The following RAB26 variants were observed in gnomAD, a reference collection of about 807,000 sequenced individuals.
The protein encoded by RAB26 is ras-related protein Rab-26.
Under a neutral mutation model 33.1 loss-of-function variants are expected in RAB26, and 39 were observed. The observed-to-expected ratio is 1.18, with a 90% confidence interval of 0.91 to 1.54. The LOEUF is 1.54. Ranked by LOEUF, RAB26 falls within the 40% of genes most tolerant of loss-of-function variation. The probability of loss-of-function intolerance (pLI) is 0.00; values close to 1 mark genes in which losing one functional copy is unlikely to be tolerated. For missense variants in RAB26, 468 were observed against 362.9 expected (o/e 1.29, Z -2.35); for synonymous variants, 192 against 151.9 (o/e 1.26, Z -1.94).
Position 2,149,276 on chromosome 16 carries a change from C to G in RAB26, c.195+298C>G, listed in dbSNP as rs571513779. Reference sequence around the variant, plus strand: ...GGGTCTCACCATTTCCCGTATGCTGCCCTCCCTCAACCCAGCGGCTGTGGG... The same window carrying G: ...GGGTCTCACCATTTCCCGTATGCTGGCCTCCCTCAACCCAGCGGCTGTGGG... On this transcript the variant is annotated intron_variant, in intron 1 of 8. Transcript: ENST00000210187. Among the ~76,000 whole-genome samples, 11 of 151,904 alleles carry G rather than the reference C, an allele frequency of 7.2e-5. No homozygotes were observed. In the South Asian group the frequency reaches 2.3e-3, roughly 32 times the overall value.
At chr16:2,149,616 T>C (rs2092998039) in intron 1 of RAB26, among the ~76,000 whole-genome samples, 1 of 152,060 alleles carries the variant, frequency 6.6e-6, no homozygotes, top group Non-Finnish European at 1.5e-5. Flanking sequence ...TCCCCAAGTC[T>C]CTTAGGAGGT....
At chr16:2,151,960 C>T in intron 5 of RAB26, 52 bp downstream of exon 5, 1 of 1,602,744 alleles carries the variant, frequency 6.2e-7, no homozygotes, top group Non-Finnish European at 8.5e-7. Flanking sequence ...CCTGACCCAT[C>T]CCAACCTCCT....
At position 2,153,864 on chromosome 16, in the gene RAB26, C is replaced by G; in HGVS notation, c.*443C>G. ...CTTCACTGCTAATCACATCGTGCAT[C>G]TGTGTGTCCTGGGAGCTGCCTGCTC... is the stretch of plus-strand genomic sequence containing the variant. On this transcript the variant is annotated 3_prime_UTR_variant, in exon 9 of 9. Coordinates refer to ENST00000210187, the MANE Select transcript of RAB26 (RefSeq NM_014353.5). The G allele has an allele frequency of 2.2e-6, 1 of 458,060 alleles. No homozygotes were observed. Among genetic ancestry groups the G allele is most frequent in the Non-Finnish European group, 4.4e-6 (1 of 228,206 alleles). 28.4% of individuals were successfully genotyped at this position (458,060 alleles called of 1,614,324 possible).
rs2093014368 is a variant in RAB26 at position 2,153,536 on chromosome 16, T to TAA, written c.*115_*116insAA. On this transcript the variant is annotated 3_prime_UTR_variant, in exon 9 of 9. Transcript: ENST00000210187. ...AGTGGCCAACGCCCGAGTGTCTGTT[T>TAA]TCAGGAGCCCCAGGTCAAGCCTTGT... is the stretch of plus-strand genomic sequence containing the variant. 1.1e-6 allele frequency: 1 copy of TAA among 940,534 alleles called. No individual in the cohort carries two copies. The highest frequency in any genetic ancestry group is 1.6e-5 in the African/African-American group (1 of 60,824). The allele number at this position is 940,534 out of a possible 1,614,324, so 58.3% of individuals were successfully genotyped here.
rs1567238526 is a variant in RAB26, at chr16:2,148,681, C to CCGG, written c.-102_-101insGGC. ...GCCGCCGCCGCCGCCGCCGCCGCCG[C>CCGG]CAGGGGAAGGGTTCGGGTCCGGGTC... On this transcript the variant is annotated 5_prime_UTR_variant, in exon 1 of 9. Transcript: ENST00000210187. 7 of 1,085,442 alleles carry CCGG rather than the reference C, an allele frequency of 6.4e-6. No individual in the cohort carries two copies. Among genetic ancestry groups the CCGG allele is most frequent in the Non-Finnish European group, 8.0e-6 (7 of 871,476 alleles). The allele number at this position is 1,085,442 out of a possible 1,614,324, so 67.2% of individuals were successfully genotyped here.
chr16:2,153,291 G>C (rs1470649207), intron 8 of RAB26, 28 bp from the exon 9 acceptor site: 6 of 1,613,390 alleles, frequency 3.7e-6, no homozygotes, highest in Non-Finnish European at 3.4e-6. Context: ...CCAGGCCATC[G>C]TGTCCCCTTG....
chr16:2,152,443 G>C (rs1035557425), intron 5 of RAB26, among the ~76,000 whole-genome samples: 1 of 152,078 alleles, frequency 6.6e-6, no homozygotes, highest in Non-Finnish European at 1.5e-5. Flanking sequence ...AGGCTGAGGT[G>C]GGCGGATCAC....
At chr16:2,152,017 G>A in intron 5 of RAB26, 109 bp downstream of exon 5, 1 of 1,447,398 alleles carries the variant, frequency 6.9e-7, no homozygotes, top group Non-Finnish European at 9.5e-7. Flanking sequence ...TGAGAGAGGG[G>A]AGGGGGAAAT....
intron 5 of RAB26, 78 bp downstream of exon 5, chr16:2,151,986 C>T: frequency 6.4e-7 from 1 of 1,574,046 alleles, no homozygotes; most frequent in South Asian, 1.1e-5. Context: ...TAGATGGCAT[C>T]AGGGTTCCAA....
intron 1 of RAB26, 121 bp from the exon 2 acceptor site, chr16:2,149,819 GC>G: frequency 1.5e-6 from 1 of 667,008 alleles, no homozygotes; most frequent in East Asian, 3.3e-5. Context: ...GGGGTCCCTG[GC>G]CCCGCTGAGC....
chr16:2,150,128 G>A, intron 2 of RAB26, 77 bp downstream of exon 2: 1 of 1,318,248 alleles, frequency 7.6e-7, no homozygotes, highest in Non-Finnish European at 1.0e-6. Context: ...TGATCCCCAT[G>A]GTACCAACAG....
rs1327497820 is a variant in RAB26 at position 2,153,480 on chromosome 16, G to C, written c.*59G>C. 3.4e-5 allele frequency: 51 copies of C among 1,514,702 alleles called. No individual in the cohort carries two copies. Among genetic ancestry groups the C allele is most frequent in the Non-Finnish European group, 4.6e-5 (50 of 1,097,424 alleles). The allele number at this position is 1,514,702 out of a possible 1,614,324, so 93.8% of individuals were successfully genotyped here. ...TCCAGTCCCTAGAAGGCTGGACAGAGGGTCTCCAGGCCCTTCTGACTTTGT... is the reference window on the plus strand; with the variant it reads ...TCCAGTCCCTAGAAGGCTGGACAGACGGTCTCCAGGCCCTTCTGACTTTGT... On this transcript the variant is annotated 3_prime_UTR_variant, in exon 9 of 9. Transcript: ENST00000210187.
At chr16:2,152,693 C>CAAAAAA in intron 5 of RAB26, 127 bp from the exon 6 acceptor site, 26 of 349,716 alleles carry the variant, frequency 7.4e-5, no homozygotes, top group South Asian at 1.7e-4. Flanking sequence ...ACTCTTGTCT[C>CAAAAAA]AAAAAAAAAA....
At chr16:2,149,303 CTTTTTT>C (rs756125935) in intron 1 of RAB26, among the ~76,000 whole-genome samples, 12 of 116,020 alleles carry the variant, frequency 1.0e-4, no homozygotes, top group East Asian at 6.7e-4. Flanking sequence ...GGCTGTGGGC[CTTTTTT>C]TTTTTTTTTT....
chr16:2,151,366 C>T, intron 2 of RAB26: 2 of 665,990 alleles, frequency 3.0e-6, no homozygotes, highest in South Asian at 1.7e-5. Flanking sequence ...GTAAGAGGCT[C>T]TAAGCAGGAA....
In RAB26 at chr16:2,151,715, G is replaced by A. The variant is rs756992268; in HGVS notation, c.369G>A (p.Gln123=). Residue 123 remains glutamine, a synonymous_variant, in exon 4 of 9, where the codon CAG becomes CAA. Coordinates refer to ENST00000210187, the MANE Select transcript of RAB26 (RefSeq NM_014353.5). ...TGCAGATGTGGGACACAGCTGGTCA[G>A]GAGCGGTTCCGCAGTGTTACCCATG... ...VKLQMWDTAG[Q]ERFRSVTHAY... The A allele has an allele frequency of 5.0e-6, 8 of 1,613,888 alleles. No homozygotes were observed. The highest frequency in any genetic ancestry group is 6.8e-6 in the Non-Finnish European group (8 of 1,180,034).
rs148865896 is a variant in RAB26, at chr16:2,153,849, A to T, written c.*428A>T. ...GCCTGGGACAGAAGGCTTCACTGCT[A>T]ATCACATCGTGCATCTGTGTGTCCT... On this transcript the variant is annotated 3_prime_UTR_variant, in exon 9 of 9. Transcript: ENST00000210187. 2 of 459,794 alleles carry T rather than the reference A, an allele frequency of 4.3e-6. No individual in the cohort carries two copies. The highest frequency in any genetic ancestry group is 2.3e-5 in the Admixed American group (1 of 42,652). The allele number at this position is 459,794 out of a possible 1,614,324, so 28.5% of individuals were successfully genotyped here.
chr16:2,152,155 C>T (rs1332537253), intron 5 of RAB26, among the ~76,000 whole-genome samples: 1 of 152,192 alleles, frequency 6.6e-6, no homozygotes, highest in African/African-American at 2.4e-5. Flanking sequence ...GTTATCACTT[C>T]TAAAGACAGG....
At chr16:2,150,956 G>T (rs542803581) in intron 2 of RAB26, among the ~76,000 whole-genome samples, 8 of 152,210 alleles carry the variant, frequency 5.3e-5, no homozygotes, top group African/African-American at 1.4e-4. Context: ...CCAACAGATG[G>T]GACTGGGGCT....
Sources: gnomAD v4.1 joint callset for allele counts (sites outside exome capture counted in the v4.1 genomes callset) on GRCh38, gnomAD v4.1.1 for gene constraint, MANE v1.5 for transcripts, NCBI Gene and HGNC (gene_info 2026-07-23, HGNC 2026-07-21) for gene names.